SMG7: variants seen among roughly 807,000 people sequenced by gnomAD.
SMG7 encodes the protein nonsense-mediated mRNA decay factor SMG7.
Under a neutral mutation model 148.2 loss-of-function variants are expected in SMG7, and 34 were observed. The observed-to-expected ratio is 0.23, with a 90% CI of 0.17 to 0.31. The LOEUF (loss-of-function observed/expected upper bound fraction) is 0.31, where lower values mean the gene tolerates loss of function less well. Among genes scored for constraint, SMG7 ranks in the 10% least tolerant of loss-of-function variants. The pLI is 1.00. For synonymous variants in SMG7, 492 were observed against 515.1 expected (o/e 0.96, Z 0.61); for missense variants, 1,114 against 1,408.4 (o/e 0.79, Z 3.35).
intron 1 of SMG7, chr1:183,473,587 C>A: frequency 4.9e-6 from 1 of 205,364 alleles, no homozygotes; most frequent in Non-Finnish European, 8.6e-6. Flanking sequence ...TGAGTAAGAG[C>A]TTGGAGGCAG....
At chr1:183,532,543 AAG>A (rs760772752) in intron 8 of SMG7, among the ~76,000 whole-genome samples, 5 of 152,194 alleles carry the variant, frequency 3.3e-5, no homozygotes, top group Non-Finnish European at 7.3e-5. Context: ...GTACTTCTCT[AAG>A]AGGGGAAAAT....
intron 3 of SMG7, among the ~76,000 whole-genome samples, chr1:183,516,252 AAT>A (rs1188795350): frequency 6.6e-6 from 1 of 152,186 alleles, no homozygotes; most frequent in Non-Finnish European, 1.5e-5. Flanking sequence ...AAAAAAAACA[AAT>A]ATATCTATTT....
rs1015065523 is a variant in SMG7, at chr1:183,527,261, G to A, written c.484+494G>A. 6.6e-6 allele frequency among the ~76,000 whole-genome samples: 1 copy of A among 151,958 alleles called. No homozygotes were observed. Among genetic ancestry groups the A allele is most frequent in the Non-Finnish European group, 1.5e-5 (1 of 67,978 alleles). On this transcript the variant is annotated intron_variant, in intron 5 of 22. Transcript: ENST00000688051. The surrounding 1 kb of genome is among the most constrained non-coding windows in gnomAD (Gnocchi z 4.0). ...AATATTATATAACTTATTTATTCTTGTTCATTCCTTTAAGGTGACCTAGAA... is the reference window on the plus strand; with the variant it reads ...AATATTATATAACTTATTTATTCTTATTCATTCCTTTAAGGTGACCTAGAA...
chr1:183,508,254 C>A, intron 1 of SMG7: 1 of 347,374 alleles, frequency 2.9e-6, no homozygotes, highest in Non-Finnish European at 4.1e-6. Flanking sequence ...AATGCAGTGG[C>A]ACAAACACGG....
chr1:183,533,498 C>A (rs1485124625), intron 9 of SMG7, among the ~76,000 whole-genome samples, 172 bp downstream of exon 9: 3 of 152,130 alleles, frequency 2.0e-5, no homozygotes, highest in East Asian at 3.8e-4. Context: ...TCTGCTGATA[C>A]CCCCTCATCA....
Position 183,542,432 on chromosome 1 carries a change from G to C in SMG7, c.1772G>C (p.Arg591Thr). 1 of 1,613,936 alleles carries C rather than the reference G, an allele frequency of 6.2e-7. No individual in the cohort carries two copies. The highest frequency in any genetic ancestry group is 8.5e-7 in the Non-Finnish European group (1 of 1,179,920). The part of the protein sequence containing the change: ...KNDGKKDNNK[R>T]KTETKKCTLE... ...GATGGAAAGAAGGACAACAACAAGAGGAAAACTGAAACCAAGAAATGCACC... is the reference window on the plus strand; with the variant it reads ...GATGGAAAGAAGGACAACAACAAGACGAAAACTGAAACCAAGAAATGCACC... Residue 591 changes from arginine to threonine, a missense_variant, in exon 14 of 23, where the codon AGG (arginine) becomes ACG (threonine). Transcript: ENST00000688051.
In SMG7 at chr1:183,551,067, T is replaced by G. The variant is rs576098227; in HGVS notation, c.3327T>G (p.Asp1109Glu). 9.9e-6 allele frequency: 16 copies of G among 1,614,038 alleles called. No individual in the cohort carries two copies. Among genetic ancestry groups the G allele is most frequent in the Middle Eastern group, 3.3e-4 (2 of 6,060 alleles). ...DKPAMGGFGIDYLSATSSSES... is the reference protein window; with the variant it reads ...DKPAMGGFGIEYLSATSSSES... ...TAGCCATGGGTGGGTTTGGCATTGA[T>G]TATCTCTCAGCAACGTCATCCTCTG... Residue 1109 changes from aspartate (D) to glutamate (E), a missense_variant, in exon 22 of 23, where the codon GAT becomes GAG. Asp to Glu is a conservative substitution (Grantham distance 45). Coordinates refer to ENST00000688051, the MANE Select transcript of SMG7 (RefSeq NM_001375584.1).
chr1:183,544,584 G>GTAAT (rs1212577047), intron 15 of SMG7, 87 bp downstream of exon 15: 1 of 1,408,882 alleles, frequency 7.1e-7, no homozygotes. Flanking sequence ...TTCTGTTGGA[G>GTAAT]TAATGTTACT....
chr1:183,524,305 G>T (rs964500240), intron 4 of SMG7, among the ~76,000 whole-genome samples: 1 of 151,966 alleles, frequency 6.6e-6, no homozygotes, highest in African/African-American at 2.4e-5. Context: ...TTATTTTGTA[G>T]AGACAGATTC....
Position 183,545,125 on chromosome 1 carries a change from C to T in SMG7, c.2183C>T (p.Pro728Leu), listed in dbSNP as rs2102769525. The change falls in exon 16 of 23, where the codon CCA becomes CTA. Residue 728 changes from proline (P) to leucine (L), a missense_variant. By Grantham distance (98) the Pro-to-Leu change is moderately conservative. Transcript: ENST00000688051. ...YSQQRPSGPGPMNQGPQQSQP... is the reference protein window; with the variant it reads ...YSQQRPSGPGLMNQGPQQSQP... ...CAGCAACGGCCCTCTGGACCAGGGC[C>T]AATGAACCAGGGACCTCAACAATCA... The T allele has an allele frequency of 1.2e-6, 2 of 1,614,102 alleles. No homozygotes were observed. Among genetic ancestry groups the T allele is most frequent in the Non-Finnish European group, 1.7e-6 (2 of 1,180,020 alleles).
chr1:183,532,419 G>A (rs979435508), intron 8 of SMG7, among the ~76,000 whole-genome samples: 2 of 152,174 alleles, frequency 1.3e-5, no homozygotes, highest in South Asian at 2.1e-4. Flanking sequence ...AAGTAGAAGG[G>A]TAATTCCATT....
At chr1:183,487,591 T>A (rs1022087504) in intron 1 of SMG7, among the ~76,000 whole-genome samples, 1 of 152,258 alleles carries the variant, frequency 6.6e-6, no homozygotes, top group Non-Finnish European at 1.5e-5. Context: ...GAAGACACTT[T>A]GCAGAACCTT....
chr1:183,536,295 A>G (rs1321651786), intron 10 of SMG7, among the ~76,000 whole-genome samples: 1 of 152,128 alleles, frequency 6.6e-6, no homozygotes, highest in Non-Finnish European at 1.5e-5. Context: ...CAACATGGCT[A>G]CTTCCACCCA....
In SMG7 at chr1:183,552,299, C is replaced by T. The variant is rs533428644; in HGVS notation, c.*368C>T. 3.0e-6 allele frequency: 3 copies of T among 1,009,386 alleles called. No individual in the cohort carries two copies. The highest frequency in any genetic ancestry group is 9.8e-5 in the East Asian group (1 of 10,164). 62.5% of individuals were successfully genotyped at this position (1,009,386 alleles called of 1,614,324 possible). On this transcript the variant is annotated 3_prime_UTR_variant, in exon 23 of 23. Transcript: ENST00000688051. Reference sequence around the variant, plus strand: ...ATGGGAGAAGCCAATGGGAACTTCTCAGTCCTTTTTTCCTCTTTGGGGAAT... The same window carrying T: ...ATGGGAGAAGCCAATGGGAACTTCTTAGTCCTTTTTTCCTCTTTGGGGAAT...
At chr1:183,512,346 C>T (rs934648958) in intron 1 of SMG7, among the ~76,000 whole-genome samples, 2 of 152,008 alleles carry the variant, frequency 1.3e-5, no homozygotes, top group Non-Finnish European at 2.9e-5. Flanking sequence ...AAATGTAGTA[C>T]ATATTTAGTA....
At chr1:183,482,192 T>A (rs915645725) in intron 1 of SMG7, among the ~76,000 whole-genome samples, 2 of 152,002 alleles carry the variant, frequency 1.3e-5, no homozygotes, top group Non-Finnish European at 2.9e-5. Flanking sequence ...AGATTTTGAT[T>A]AGTCCATATC....
intron 10 of SMG7, 53 bp from the exon 11 acceptor site, chr1:183,537,092 T>C (rs1343749747): frequency 1.2e-5 from 15 of 1,275,872 alleles, no homozygotes; most frequent in Non-Finnish European, 1.7e-5. Flanking sequence ...CTTATTAGTG[T>C]TCTGGTTTCT....
chr1:183,509,225 G>A (rs1216028953), intron 1 of SMG7, among the ~76,000 whole-genome samples: 2 of 152,226 alleles, frequency 1.3e-5, no homozygotes, highest in South Asian at 2.1e-4. Flanking sequence ...CACGGCATTC[G>A]AGTATAAAAT....
intron 1 of SMG7, among the ~76,000 whole-genome samples, chr1:183,478,365 GAC>G (rs1193157442): frequency 1.3e-5 from 2 of 152,106 alleles, no homozygotes; most frequent in Admixed American, 1.3e-4. Flanking sequence ...TTGAATGAAT[GAC>G]TGTCTCTTTA....
Sources: gnomAD v4.1 joint callset for allele counts (sites outside exome capture counted in the v4.1 genomes callset) on GRCh38, gnomAD v4.1.1 for gene constraint, Gnocchi (gnomAD v3.1) non-coding constraint, MANE v1.5 for transcripts, NCBI Gene and HGNC (gene_info 2026-07-23, HGNC 2026-07-21) for gene names.